AGBL4: variants seen among roughly 807,000 people sequenced by gnomAD.
The protein encoded by AGBL4 is AGBL carboxypeptidase 4, also known as cytosolic carboxypeptidase 6.
In AGBL4, 58 loss-of-function variants were observed where a neutral mutation model predicts 66.4. That is an observed-to-expected ratio of 0.87 (90% CI 0.71 to 1.09). The LOEUF (loss-of-function observed/expected upper bound fraction) is 1.09, where lower values mean the gene tolerates loss of function less well. Ranked by LOEUF, AGBL4 falls within the 50% of genes least tolerant of loss-of-function variation. The pLI is 0.00. For synonymous variants in AGBL4, 234 were observed against 222.9 expected (o/e 1.05, Z -0.44); for missense variants, 579 against 631.0 (o/e 0.92, Z 0.88).
intron 5 of AGBL4, among the ~76,000 whole-genome samples, chr1:48,996,934 T>A (rs1346503482): frequency 6.6e-6 from 1 of 152,016 alleles, no homozygotes; most frequent in Admixed American, 6.6e-5. Flanking sequence ...GTAATAATTG[T>A]TTTTTCAAGA....
In AGBL4 at chr1:50,007,460, G is replaced by T. The variant is rs367733763; in HGVS notation, c.34+16303C>A. Among the ~76,000 whole-genome samples, 3 of 152,164 alleles carry T rather than the reference G, an allele frequency of 2.0e-5. No individual in the cohort carries two copies. In the East Asian group the frequency reaches 5.8e-4, roughly 29 times the overall value. The stretch of plus-strand genomic sequence containing the variant: ...AGAAAACAAGACCTAAGAATCTGTT[G>T]TGTATAAGAAACACACTTCTGGCTA... On this transcript the variant is annotated intron_variant, in intron 1 of 13. Transcript: ENST00000371839.
At chr1:49,224,926 G>A (rs945723452) in intron 4 of AGBL4, among the ~76,000 whole-genome samples, 2 of 152,178 alleles carry the variant, frequency 1.3e-5, no homozygotes, top group Non-Finnish European at 2.9e-5. Flanking sequence ...GAGTGTATAC[G>A]TATGCGCATG....
chr1:50,002,069 AC>A (rs1210297537), intron 1 of AGBL4, among the ~76,000 whole-genome samples: 1 of 152,198 alleles, frequency 6.6e-6, no homozygotes, highest in Non-Finnish European at 1.5e-5. Flanking sequence ...CCTTCAGTGT[AC>A]TTTTTGTACA....
At chr1:49,742,972 A>T (rs1650652051) in intron 2 of AGBL4, among the ~76,000 whole-genome samples, 2 of 152,190 alleles carry the variant, frequency 1.3e-5, no homozygotes, top group South Asian at 4.1e-4. Flanking sequence ...ACGCAATACC[A>T]TTCAGGACAT....
At chr1:49,706,540 A>G (rs962475465) in intron 2 of AGBL4, among the ~76,000 whole-genome samples, 4 of 151,702 alleles carry the variant, frequency 2.6e-5, no homozygotes, top group African/African-American at 4.8e-5. Context: ...TTTCATCTCT[A>G]TCTCCTTCAG....
intron 6 of AGBL4, among the ~76,000 whole-genome samples, chr1:48,805,638 T>C (rs768451133): frequency 7.2e-5 from 11 of 152,092 alleles, no homozygotes; most frequent in Non-Finnish European, 8.8e-5. Context: ...TGCAGACAAC[T>C]GTGTGATTTT....
At chr1:48,645,210 T>G (rs1214238350) in intron 8 of AGBL4, among the ~76,000 whole-genome samples, 2 of 152,186 alleles carry the variant, frequency 1.3e-5, no homozygotes, top group Non-Finnish European at 2.9e-5. Flanking sequence ...CACAGAAACA[T>G]CACTCAGGTT....
Position 49,235,117 on chromosome 1 carries a change from C to G in AGBL4, c.377+10653G>C, listed in dbSNP as rs535132226. On this transcript the variant is annotated intron_variant, in intron 4 of 13. Transcript: ENST00000371839. Reference sequence around the variant, plus strand: ...AGTTGGAATATTTAGACAAATACTTCTCTGTCCCTTAGTCTCTTTGTGTGC... The same window carrying G: ...AGTTGGAATATTTAGACAAATACTTGTCTGTCCCTTAGTCTCTTTGTGTGC... 2.6e-5 allele frequency among the ~76,000 whole-genome samples: 4 copies of G among 152,180 alleles called. No homozygotes were observed. In the South Asian group the frequency reaches 8.3e-4, roughly 31 times the overall value.
At chr1:49,903,283 T>C (rs979984879) in intron 1 of AGBL4, among the ~76,000 whole-genome samples, 1 of 152,256 alleles carries the variant, frequency 6.6e-6, no homozygotes, top group African/African-American at 2.4e-5. Flanking sequence ...TTCTCGCTTA[T>C]AAGTGGGGTC....
At chr1:49,845,001 G>C in intron 2 of AGBL4, 1 of 1,439,504 alleles carries the variant, frequency 6.9e-7, no homozygotes, top group Non-Finnish European at 9.6e-7. Context: ...GCCCCCACAC[G>C]TGGGGAACAC....
chr1:49,837,968 C>T (rs1645894931), intron 2 of AGBL4, among the ~76,000 whole-genome samples: 2 of 152,246 alleles, frequency 1.3e-5, no homozygotes, highest in Non-Finnish European at 2.9e-5. Context: ...TTATAGTAAC[C>T]CCAGGGAATC....
intron 1 of AGBL4, among the ~76,000 whole-genome samples, chr1:49,899,738 T>C (rs1415432229): frequency 6.6e-6 from 1 of 151,980 alleles, no homozygotes; most frequent in East Asian, 1.9e-4. Flanking sequence ...ACATAAAAGG[T>C]ATATAAAACA....
At chr1:49,841,799 T>TAA in intron 2 of AGBL4, 126 of 266,694 alleles carry the variant, frequency 4.7e-4, no homozygotes, top group Middle Eastern at 8.3e-4. Flanking sequence ...GACAATGTGA[T>TAA]AAAAAAAAAA....
At chr1:49,158,360 A>G (rs964930959) in intron 4 of AGBL4, among the ~76,000 whole-genome samples, 5 of 147,188 alleles carry the variant, frequency 3.4e-5, no homozygotes, top group Admixed American at 2.0e-4. Flanking sequence ...GCTTCTGCAC[A>G]GCAAAAAAAA....
intron 1 of AGBL4, among the ~76,000 whole-genome samples, chr1:50,009,237 T>G (rs1243965074): frequency 6.6e-6 from 1 of 152,136 alleles, no homozygotes; most frequent in Non-Finnish European, 1.5e-5. Context: ...TATCCCTGAT[T>G]AACAGAAATT....
chr1:49,754,225 T>C (rs1651703190), intron 2 of AGBL4, among the ~76,000 whole-genome samples: 1 of 152,120 alleles, frequency 6.6e-6, no homozygotes, highest in Non-Finnish European at 1.5e-5. Context: ...CTTTGGTCTT[T>C]GATGTTGGTG....
chr1:49,868,027 G>A (rs951247180), intron 1 of AGBL4, among the ~76,000 whole-genome samples: 1 of 151,968 alleles, frequency 6.6e-6, no homozygotes, highest in East Asian at 1.9e-4. Context: ...ATTCACAATT[G>A]CTACAAAGAG....
At chr1:49,283,840 G>A (rs768812596) in intron 3 of AGBL4, among the ~76,000 whole-genome samples, 49 of 145,878 alleles carry the variant, frequency 3.4e-4, no homozygotes, top group African/African-American at 1.3e-3. Context: ...AAAGAAATGA[G>A]CAAAGCCTCC....
intron 2 of AGBL4, among the ~76,000 whole-genome samples, chr1:49,719,035 A>C (rs1263075366): frequency 6.6e-6 from 1 of 152,122 alleles, no homozygotes; most frequent in Non-Finnish European, 1.5e-5. Flanking sequence ...GAATAGGTAC[A>C]TTGGGTCAGG....
Sources: allele counts gnomAD v4.1 joint callset (sites outside exome capture counted in the v4.1 genomes callset), GRCh38; gene constraint gnomAD v4.1.1; transcripts MANE v1.5; gene names NCBI Gene and HGNC (gene_info 2026-07-23, HGNC 2026-07-21).